Variants in KCNQ1OT1 observed in about 807,000 individuals in gnomAD.
The protein encoded by KCNQ1OT1 is KCNQ1 opposite strand/antisense transcript 1.
At chr11:2,633,545 A>G in exon 1 of KCNQ1OT1, 1 of 398,448 alleles carries the variant, frequency 2.5e-6, no homozygotes. Flanking sequence ...TGATTTTTTT[A>G]TATGCTGAGA....
chr11:2,634,075 G>A (rs1849408678), exon 1 of KCNQ1OT1: 1 of 397,614 alleles, frequency 2.5e-6, no homozygotes, highest in Non-Finnish European at 4.4e-6. Context: ...GTGGTCTTTT[G>A]TGGTTCCATG....
At chr11:2,696,958 T>G (rs753806794) in exon 1 of KCNQ1OT1, 11 of 398,484 alleles carry the variant, frequency 2.8e-5, no homozygotes, top group Non-Finnish European at 4.9e-5. Context: ...CTTTAGTTGT[T>G]AAGTTCCTTA....
At chr11:2,638,315 A>G (rs918921818) in exon 1 of KCNQ1OT1, 5 of 152,100 alleles carry the variant, frequency 3.3e-5, no homozygotes, top group South Asian at 2.1e-4. Flanking sequence ...GCTGGTACCA[A>G]TTGTTCCTTT....
chr11:2,635,196 T>C (rs1849441495), exon 1 of KCNQ1OT1: 1 of 152,202 alleles, frequency 6.6e-6, no homozygotes, highest in South Asian at 2.1e-4. Flanking sequence ...TTAGATCCCA[T>C]TTGTCAATTT....
At position 2,627,461 on chromosome 11, in the gene KCNQ1OT1, A is replaced by G. The variant is rs1482445769; in HGVS notation, n.72534T>C. 4 of 397,842 alleles carry G rather than the reference A, an allele frequency of 1.0e-5. No individual in the cohort carries two copies. The highest frequency in any genetic ancestry group is 4.1e-5 in the African/African-American group (2 of 48,392). The allele number at this position is 397,842 out of a possible 1,614,324, so 24.6% of individuals were successfully genotyped here. A position where few individuals can be genotyped will look rare whatever the true frequency, so the allele number is the denominator to read the frequency against. On this transcript the variant is annotated non_coding_transcript_exon_variant, in exon 1 of 1. Transcript: ENST00000597346. This position sits in a 1 kb window ranked among gnomAD's most constrained non-coding sequence, Gnocchi z 4.9. The stretch of plus-strand genomic sequence containing the variant: ...CCCTTCAACATTTCCTATTTCCCCT[A>G]CTCCCTGACCCCTAGTAACCACCCT...
Position 2,657,102 on chromosome 11 carries a change from C to A in KCNQ1OT1, n.42893G>T, listed in dbSNP as rs1260075134. Reference sequence around the variant, plus strand: ...CTATTTGTCTCTCCCTGTGTCAATACCACATTGCCCTAATGACCACTGCCT... The same window carrying A: ...CTATTTGTCTCTCCCTGTGTCAATAACACATTGCCCTAATGACCACTGCCT... On this transcript the variant is annotated non_coding_transcript_exon_variant, in exon 1 of 1. Coordinates refer to ENST00000597346, the Ensembl canonical transcript of KCNQ1OT1. This position sits in a 1 kb window ranked among gnomAD's most constrained non-coding sequence, Gnocchi z 4.8. The A allele has an allele frequency of 7.5e-6, 3 of 398,488 alleles. No individual in the cohort carries two copies. Among genetic ancestry groups the A allele is most frequent in the Non-Finnish European group, 1.3e-5 (3 of 226,068 alleles). 24.7% of individuals were successfully genotyped at this position (398,488 alleles called of 1,614,324 possible).
chr11:2,623,361 C>A lies in KCNQ1OT1; in HGVS notation n.76634G>T, dbSNP rs1003683492. On this transcript the variant is annotated non_coding_transcript_exon_variant, in exon 1 of 1. Coordinates refer to ENST00000597346, the Ensembl canonical transcript of KCNQ1OT1. This position sits in a 1 kb window ranked among gnomAD's most constrained non-coding sequence, Gnocchi z 5.2. ...CTACCATTATAGTATCATACAGATACGTATATTTACATATATTTGTACATT... is the reference window on the plus strand; with the variant it reads ...CTACCATTATAGTATCATACAGATAAGTATATTTACATATATTTGTACATT... The A allele has an allele frequency of 2.5e-6, 1 of 398,556 alleles. No individual in the cohort carries two copies. The highest frequency in any genetic ancestry group is 3.6e-5 in the East Asian group (1 of 28,064). 24.7% of individuals were successfully genotyped at this position (398,556 alleles called of 1,614,324 possible).
rs61870803 is a variant in KCNQ1OT1 at position 2,678,399 on chromosome 11, C to T, written n.21596G>A. ...CCAATTTGGTTTCCCATATATTTGT[C>T]CAGTTGTCCAACACTATTTATTTGA... is the stretch of plus-strand genomic sequence containing the variant. On this transcript the variant is annotated non_coding_transcript_exon_variant, in exon 1 of 1. Transcript: ENST00000597346. This position sits in a 1 kb window ranked among gnomAD's most constrained non-coding sequence, Gnocchi z 4.9. 8.2e-4 allele frequency: 325 copies of T among 398,500 alleles called. 1 individual carries two copies. Among genetic ancestry groups the T allele is most frequent in the Non-Finnish European group, 1.3e-3 (286 of 226,040 alleles). 24.7% of individuals were successfully genotyped at this position (398,500 alleles called of 1,614,324 possible). A position where few individuals can be genotyped will look rare whatever the true frequency, so the allele number is the denominator to read the frequency against.
rs1397502173 is a variant in KCNQ1OT1, at chr11:2,668,987, G to C, written n.31008C>G. The C allele has an allele frequency of 2.5e-6, 1 of 398,466 alleles. No individual in the cohort carries two copies. Among genetic ancestry groups the C allele is most frequent in the Non-Finnish European group, 4.4e-6 (1 of 226,082 alleles). 24.7% of individuals were successfully genotyped at this position (398,466 alleles called of 1,614,324 possible). On this transcript the variant is annotated non_coding_transcript_exon_variant, in exon 1 of 1. Transcript: ENST00000597346. The surrounding 1 kb of genome is among the most constrained non-coding windows in gnomAD (Gnocchi z 4.3). ...ATTTTTGTGTCCAATGTGAGGCCGA[G>C]GTCAAGGTCCACTCTTCCCCTACTT...
chr11:2,653,793 A>G lies in KCNQ1OT1; in HGVS notation n.46202T>C, dbSNP rs191891791. 1.2e-4 allele frequency: 49 copies of G among 398,562 alleles called. No individual in the cohort carries two copies. Among genetic ancestry groups the G allele is most frequent in the African/African-American group, 9.6e-4 (47 of 48,732 alleles). The allele number at this position is 398,562 out of a possible 1,614,324, so 24.7% of individuals were successfully genotyped here. On this transcript the variant is annotated non_coding_transcript_exon_variant, in exon 1 of 1. Coordinates refer to ENST00000597346, the Ensembl canonical transcript of KCNQ1OT1. The surrounding 1 kb of genome is among the most constrained non-coding windows in gnomAD (Gnocchi z 5.3). Reference sequence around the variant, plus strand: ...AAGCCATCCTTGGACCTGCAGCTGTACCTCCGATGGCTGAGGCAAGGTCCA... The same window carrying G: ...AAGCCATCCTTGGACCTGCAGCTGTGCCTCCGATGGCTGAGGCAAGGTCCA...
exon 1 of KCNQ1OT1, chr11:2,665,601 G>A: frequency 5.0e-6 from 2 of 396,738 alleles, no homozygotes; most frequent in Admixed American, 8.9e-5. Flanking sequence ...AAACCCCCCA[G>A]GACACACTTA....
exon 1 of KCNQ1OT1, chr11:2,644,323 A>C (rs1849631577): frequency 2.5e-6 from 1 of 398,242 alleles, no homozygotes; most frequent in South Asian, 1.3e-4. Context: ...ACTTATCTTC[A>C]AGGTGTGAAA....
exon 1 of KCNQ1OT1, chr11:2,630,980 A>C: frequency 2.5e-6 from 1 of 398,488 alleles, no homozygotes. Flanking sequence ...AGATGTAAGA[A>C]CTTTATTTAT....
exon 1 of KCNQ1OT1, chr11:2,656,850 T>C: frequency 1.0e-5 from 4 of 398,670 alleles, no homozygotes; most frequent in Non-Finnish European, 1.8e-5. Flanking sequence ...ATGCTTTTCA[T>C]AGTTAGGTCT....
Position 2,654,866 on chromosome 11 carries a change from G to A in KCNQ1OT1, n.45129C>T, listed in dbSNP as rs1160079552. On this transcript the variant is annotated non_coding_transcript_exon_variant, in exon 1 of 1. Coordinates refer to ENST00000597346, the Ensembl canonical transcript of KCNQ1OT1. The surrounding 1 kb of genome is among the most constrained non-coding windows in gnomAD (Gnocchi z 6.4). Reference sequence around the variant, plus strand: ...ATGGGCAGCTCCAGGCCAGGTGGAGGGACATATTCTGGCAACTCTAGGATA... The same window carrying A: ...ATGGGCAGCTCCAGGCCAGGTGGAGAGACATATTCTGGCAACTCTAGGATA... 7.5e-6 allele frequency: 3 copies of A among 398,444 alleles called. No homozygotes were observed. Among genetic ancestry groups the A allele is most frequent in the Non-Finnish European group, 1.3e-5 (3 of 226,098 alleles). The allele number at this position is 398,444 out of a possible 1,614,324, so 24.7% of individuals were successfully genotyped here. A position where few individuals can be genotyped will look rare whatever the true frequency, so the allele number is the denominator to read the frequency against.
exon 1 of KCNQ1OT1, chr11:2,688,910 A>G (rs1242232625): frequency 2.5e-5 from 10 of 398,714 alleles, no homozygotes; most frequent in Admixed American, 8.8e-5. Context: ...GGCTAGGGCC[A>G]CCCCACACAG....
exon 1 of KCNQ1OT1, chr11:2,680,077 A>C (rs1487544126): frequency 7.6e-6 from 3 of 395,492 alleles, no homozygotes; most frequent in Non-Finnish European, 1.3e-5. Context: ...TTTTTATTAG[A>C]GACAGGGTTT....
rs1849688624 is a variant in KCNQ1OT1, at chr11:2,647,766, C to T, written n.52229G>A. On this transcript the variant is annotated non_coding_transcript_exon_variant, in exon 1 of 1. Transcript: ENST00000597346. This position sits in a 1 kb window ranked among gnomAD's most constrained non-coding sequence, Gnocchi z 4.0. The stretch of plus-strand genomic sequence containing the variant: ...AATTTATCTCTTTCCTCTAGGTTTT[C>T]TAATTGTTGACATATAGTTGTTCAT... The T allele has an allele frequency of 5.0e-6, 2 of 398,420 alleles. No homozygotes were observed. Among genetic ancestry groups the T allele is most frequent in the Non-Finnish European group, 8.8e-6 (2 of 226,030 alleles). 24.7% of individuals were successfully genotyped at this position (398,420 alleles called of 1,614,324 possible).
chr11:2,651,187 C>A lies in KCNQ1OT1; in HGVS notation n.48808G>T. 2.5e-6 allele frequency: 1 copy of A among 397,430 alleles called. No homozygotes were observed. The highest frequency in any genetic ancestry group is 1.3e-4 in the South Asian group (1 of 7,748). The allele number at this position is 397,430 out of a possible 1,614,324, so 24.6% of individuals were successfully genotyped here. A position where few individuals can be genotyped will look rare whatever the true frequency, so the allele number is the denominator to read the frequency against. ...CTTGCTGCTTCCCTACTCAAATGTT[C>A]CGACAGCTTCCTGTCACCCTGTCTT... On this transcript the variant is annotated non_coding_transcript_exon_variant, in exon 1 of 1. Coordinates refer to ENST00000597346, the Ensembl canonical transcript of KCNQ1OT1. The surrounding 1 kb of genome is among the most constrained non-coding windows in gnomAD (Gnocchi z 6.1).
Sources: allele counts gnomAD v4.1 joint callset, GRCh38; gene constraint gnomAD v4.1.1; non-coding constraint Gnocchi (gnomAD v3.1); transcripts MANE v1.5; gene names NCBI Gene and HGNC (gene_info 2026-07-23, HGNC 2026-07-21).